Variants in TBC1D32 observed in about 807,000 individuals in gnomAD.
TBC1D32 encodes the protein protein broad-minded.
TBC1D32 carries 151 observed loss-of-function variants against 170.3 expected under a neutral mutation model. The observed-to-expected ratio is 0.89, with a 90% CI of 0.78 to 1.01. The LOEUF (loss-of-function observed/expected upper bound fraction) is 1.01, where lower values mean the gene tolerates loss of function less well. Ranked by LOEUF, TBC1D32 falls within the 50% of genes least tolerant of loss-of-function variation. The pLI is 0.00. For missense variants in TBC1D32, 1,464 were observed against 1,457.1 expected, an observed-to-expected ratio of 1.00 and a Z score of -0.08; for synonymous variants, 498 against 488.0, an observed-to-expected ratio of 1.02 and a Z score of -0.27.
At chr6:121,193,741 TA>T (rs1477574376) in intron 22 of TBC1D32, among the ~76,000 whole-genome samples, 1 of 152,246 alleles carries the variant, frequency 6.6e-6, no homozygotes, top group East Asian at 1.9e-4. Flanking sequence ...TCGGGAAGCC[TA>T]ATGCATTCTT....
intron 22 of TBC1D32, among the ~76,000 whole-genome samples, chr6:121,185,704 G>A (rs1789116686): frequency 6.6e-6 from 1 of 152,036 alleles, no homozygotes; most frequent in South Asian, 2.1e-4. Context: ...TGGCTACTAT[G>A]CTTTTCTATC....
At chr6:121,228,294 CT>C (rs1270333484) in intron 20 of TBC1D32, among the ~76,000 whole-genome samples, 1 of 151,780 alleles carries the variant, frequency 6.6e-6, no homozygotes, top group African/African-American at 2.4e-5. Context: ...TATTATTTCC[CT>C]TGTTGTATTG....
intron 26 of TBC1D32, among the ~76,000 whole-genome samples, chr6:121,119,156 CA>C (rs1280303193): frequency 6.6e-6 from 1 of 152,192 alleles, no homozygotes; most frequent in Non-Finnish European, 1.5e-5. Flanking sequence ...CCTTCATTGA[CA>C]ATTACCAAAT....
Position 121,079,894 on chromosome 6 carries a change from T to C in TBC1D32, c.*877A>G, listed in dbSNP as rs1291384255. On this transcript the variant is annotated 3_prime_UTR_variant, in exon 32 of 32. Transcript: ENST00000398212. ...CTCTTCAATGAACCATGTAAAGACT[T>C]CATTTCAAACAAAGAATTATAAATT... 1 of 152,170 alleles carries C rather than the reference T, an allele frequency of 6.6e-6. No individual in the cohort carries two copies. The highest frequency in any genetic ancestry group is 1.5e-5 in the Non-Finnish European group (1 of 68,024). 9.4% of individuals were successfully genotyped at this position (152,170 alleles called of 1,614,324 possible).
At chr6:121,194,664 C>T (rs1313391981) in intron 22 of TBC1D32, among the ~76,000 whole-genome samples, 1 of 152,222 alleles carries the variant, frequency 6.6e-6, no homozygotes, top group Non-Finnish European at 1.5e-5. Flanking sequence ...TTCTCCATTC[C>T]TGTCCATAAG....
chr6:121,119,800 G>T (rs1191326431), intron 26 of TBC1D32, among the ~76,000 whole-genome samples: 3 of 151,944 alleles, frequency 2.0e-5, no homozygotes, highest in Non-Finnish European at 4.4e-5. Flanking sequence ...TTTTATAATG[G>T]ATTGAAATCC....
At chr6:121,261,465 C>T (rs562252622) in intron 15 of TBC1D32, among the ~76,000 whole-genome samples, 3 of 152,304 alleles carry the variant, frequency 2.0e-5, no homozygotes, top group Admixed American at 1.3e-4. Context: ...GGTGACATCT[C>T]CAGGTGTGGA....
intron 22 of TBC1D32, among the ~76,000 whole-genome samples, chr6:121,180,641 G>A (rs1393847594): frequency 2.0e-5 from 3 of 152,050 alleles, no homozygotes; most frequent in Non-Finnish European, 4.4e-5. Flanking sequence ...AGGAGAAAAC[G>A]CTGGGGAAAC....
At position 121,299,472 on chromosome 6, in the gene TBC1D32, G is replaced by A; in HGVS notation, c.1114C>T (p.Leu372Phe). ...AHYSRTTVLR[L>F]LETKYKSLVT... ...AGAGACTTATATTTCGTTTCAAGAA[G>A]TCTTAATACTGTAGTTCTGCTATAA... The change falls in exon 10 of 32, where the codon CTT becomes TTT. Residue 372 changes from leucine (L) to phenylalanine (F), a missense_variant. Coordinates refer to ENST00000398212, the MANE Select transcript of TBC1D32 (RefSeq NM_152730.6). The A allele has an allele frequency of 6.6e-7, 1 of 1,511,886 alleles. No homozygotes were observed. Among genetic ancestry groups the A allele is most frequent in the Non-Finnish European group, 9.1e-7 (1 of 1,104,676 alleles). 93.7% of individuals were successfully genotyped at this position (1,511,886 alleles called of 1,614,324 possible).
intron 20 of TBC1D32, among the ~76,000 whole-genome samples, chr6:121,238,410 A>C (rs1216136735): frequency 6.6e-6 from 1 of 152,114 alleles, no homozygotes; most frequent in African/African-American, 2.4e-5. Flanking sequence ...ATGGGAGTGA[A>C]CTAGTCCAGA....
At chr6:121,317,229 T>C (rs2128495907) in intron 3 of TBC1D32, among the ~76,000 whole-genome samples, 1 of 152,024 alleles carries the variant, frequency 6.6e-6, no homozygotes, top group South Asian at 2.1e-4. Flanking sequence ...CAGATTTGGT[T>C]CAACACATTA....
In TBC1D32 at chr6:121,201,212, A is replaced by G. The variant is rs967759449; in HGVS notation, c.2570+3863T>C. 6.8e-5 allele frequency among the ~76,000 whole-genome samples: 10 copies of G among 146,064 alleles called. 1 individual carries two copies. The highest frequency in any genetic ancestry group is 2.8e-4 in the Admixed American group (4 of 14,394). On this transcript the variant is annotated intron_variant, in intron 22 of 31. Transcript: ENST00000398212. ...ATACGTATTCAATAAATACTGGTTG[A>G]GTAAATATAGAAGAGTACATTTTTA...
Position 121,161,073 on chromosome 6 carries a change from A to G in TBC1D32, c.2571-17T>C, listed in dbSNP as rs1785564591. 6.4e-7 allele frequency: 1 copy of G among 1,557,462 alleles called. No individual in the cohort carries two copies. The highest frequency in any genetic ancestry group is 1.4e-5 in the African/African-American group (1 of 73,678). ...ATAAAGTCCCTGAAAAAATAAATAT[A>G]TCACCTTTGTCATCCTTTTGATTGA... On this transcript the variant is annotated splice_polypyrimidine_tract_variant and intron_variant, in intron 22 of 31. Transcript: ENST00000398212.
chr6:121,282,278 T>C (rs755149907), intron 13 of TBC1D32, among the ~76,000 whole-genome samples: 1 of 151,688 alleles, frequency 6.6e-6, no homozygotes, highest in Non-Finnish European at 1.5e-5. Context: ...TACACAAAAG[T>C]TTAACATGGT....
At chr6:121,286,154 T>A (rs555354607) in intron 12 of TBC1D32, among the ~76,000 whole-genome samples, 1 of 151,416 alleles carries the variant, frequency 6.6e-6, no homozygotes, top group Non-Finnish European at 1.5e-5. Flanking sequence ...CTTTGACGAG[T>A]TGAGAGAGGA....
At chr6:121,191,776 T>A (rs1014590742) in intron 22 of TBC1D32, among the ~76,000 whole-genome samples, 10 of 152,006 alleles carry the variant, frequency 6.6e-5, no homozygotes, top group Admixed American at 5.9e-4. Context: ...CCGATGGAGA[T>A]GAACATTTGA....
intron 15 of TBC1D32, 41 bp downstream of exon 15, chr6:121,279,080 C>G (rs1446221857): frequency 1.3e-6 from 2 of 1,564,596 alleles, no homozygotes; most frequent in African/African-American, 2.8e-5. Flanking sequence ...GAAAACCAAA[C>G]TATACCTGGA....
At chr6:121,118,494 G>T (rs1347886728) in intron 26 of TBC1D32, among the ~76,000 whole-genome samples, 2 of 152,276 alleles carry the variant, frequency 1.3e-5, no homozygotes, top group East Asian at 3.9e-4. Flanking sequence ...CTCAGTGTGG[G>T]TCATGCATTC....
intron 21 of TBC1D32, among the ~76,000 whole-genome samples, chr6:121,218,957 T>A (rs1794173343): frequency 6.6e-6 from 1 of 152,200 alleles, no homozygotes. Context: ...CATGCTGAAC[T>A]GTGAGTCAAC....
Sources: gnomAD v4.1 joint callset for allele counts (sites outside exome capture counted in the v4.1 genomes callset) on GRCh38, gnomAD v4.1.1 for gene constraint, MANE v1.5 for transcripts, NCBI Gene and HGNC (gene_info 2026-07-23, HGNC 2026-07-21) for gene names.